The following MEMO1 variants were observed in gnomAD, a reference collection of about 807,000 sequenced individuals.
The protein encoded by MEMO1 is mediator of cell motility 1, also known as protein MEMO1.
Under a neutral mutation model 45.2 loss-of-function variants are expected in MEMO1, and 6 were observed. That is an observed-to-expected ratio of 0.13 (90% CI 0.07 to 0.26). The LOEUF (loss-of-function observed/expected upper bound fraction) is 0.26. Among genes scored for constraint, MEMO1 ranks in the 10% least tolerant of loss-of-function variants. The probability of loss-of-function intolerance (pLI) is 1.00; values close to 1 mark genes in which losing one functional copy is unlikely to be tolerated. For synonymous variants in MEMO1, 78 were observed against 124.3 expected, an observed-to-expected ratio of 0.63 and a Z score of 2.48; for missense variants, 184 against 370.5, an observed-to-expected ratio of 0.50 and a Z score of 4.13.
intron 2 of MEMO1, among the ~76,000 whole-genome samples, chr2:32,004,195 G>A (rs1215706010): frequency 2.0e-5 from 3 of 151,856 alleles, no homozygotes; most frequent in Non-Finnish European, 4.4e-5. Context: ...AAATAAATAA[G>A]TAAATAAATA....
At chr2:31,885,731 T>C (rs564598369) in intron 7 of MEMO1, among the ~76,000 whole-genome samples, 14 of 152,330 alleles carry the variant, frequency 9.2e-5, no homozygotes, top group Non-Finnish European at 1.9e-4. Flanking sequence ...CTTCTGGAAA[T>C]AGCTGTTAGT....
At chr2:31,877,298 A>G (rs1285616442) in intron 8 of MEMO1, among the ~76,000 whole-genome samples, 2 of 152,228 alleles carry the variant, frequency 1.3e-5, no homozygotes, top group African/African-American at 2.4e-5. Context: ...GGGTAAGGCC[A>G]ATGAACAGCT....
chr2:31,889,823 C>T (rs1260560104), intron 7 of MEMO1, among the ~76,000 whole-genome samples: 1 of 152,040 alleles, frequency 6.6e-6, no homozygotes, highest in Non-Finnish European at 1.5e-5. Context: ...AAAATGAACA[C>T]TTGAAAAGTT....
At chr2:31,913,107 A>G (rs537440620) in intron 6 of MEMO1, among the ~76,000 whole-genome samples, 1 of 151,896 alleles carries the variant, frequency 6.6e-6, no homozygotes, top group Non-Finnish European at 1.5e-5. Context: ...TCTACTAAAA[A>G]TACAAAAATT....
chr2:31,998,257 C>A (rs1672842026), intron 2 of MEMO1, among the ~76,000 whole-genome samples: 1 of 152,112 alleles, frequency 6.6e-6, no homozygotes, highest in Admixed American at 6.6e-5. Context: ...AAGCAGTCCT[C>A]CCACCTCGGC....
chr2:31,890,937 C>A (rs191096073), intron 7 of MEMO1, among the ~76,000 whole-genome samples: 1 of 152,272 alleles, frequency 6.6e-6, no homozygotes, highest in Admixed American at 6.5e-5. Flanking sequence ...AAAAACTAAT[C>A]TGTACCATTA....
At chr2:31,895,184 C>T (rs1677570221) in intron 6 of MEMO1, among the ~76,000 whole-genome samples, 1 of 152,098 alleles carries the variant, frequency 6.6e-6, no homozygotes, top group African/African-American at 2.4e-5. Flanking sequence ...GTTACTATAA[C>T]ATACTACACA....
At chr2:31,920,319 T>C (rs1682131338) in intron 5 of MEMO1, among the ~76,000 whole-genome samples, 1 of 152,120 alleles carries the variant, frequency 6.6e-6, no homozygotes, top group African/African-American at 2.4e-5. Flanking sequence ...ATAAAATATA[T>C]TTATCATTTA....
chr2:31,999,938 T>C (rs2148588616), intron 2 of MEMO1, among the ~76,000 whole-genome samples: 1 of 149,126 alleles, frequency 6.7e-6, no homozygotes, highest in East Asian at 2.0e-4. Flanking sequence ...GGCTGGAGCG[T>C]AGTGGTGAAA....
At chr2:31,989,869 C>A (rs1245246192) in intron 2 of MEMO1, among the ~76,000 whole-genome samples, 2 of 152,120 alleles carry the variant, frequency 1.3e-5, no homozygotes, top group African/African-American at 4.8e-5. Context: ...GTAATCCCAG[C>A]AATTTGGGAG....
chr2:31,932,415 C>T (rs1664292785), intron 3 of MEMO1, among the ~76,000 whole-genome samples: 1 of 151,416 alleles, frequency 6.6e-6, no homozygotes. Flanking sequence ...TGCTATGTAA[C>T]ACGATTATTG....
chr2:31,877,816 T>G (rs1006705313), intron 8 of MEMO1, among the ~76,000 whole-genome samples: 1 of 152,180 alleles, frequency 6.6e-6, no homozygotes, highest in Non-Finnish European at 1.5e-5. Context: ...TTATTATAAA[T>G]TCCTTTTATT....
At chr2:31,981,287 C>T (rs977848352) in intron 2 of MEMO1, among the ~76,000 whole-genome samples, 1 of 152,204 alleles carries the variant, frequency 6.6e-6, no homozygotes, top group Non-Finnish European at 1.5e-5. Flanking sequence ...AATGACTGCC[C>T]ATTTCCTCAA....
rs541762375 is a variant in MEMO1 at position 31,909,088 on chromosome 2, T to C, written c.437+8838A>G. On this transcript the variant is annotated intron_variant, in intron 6 of 9. Transcript: ENST00000404530. ...CTCATCTAACAAGCCTCTTAACAAATTGGGTGTAGAAGGAACATACTTCAA... is the reference window on the plus strand; with the variant it reads ...CTCATCTAACAAGCCTCTTAACAAACTGGGTGTAGAAGGAACATACTTCAA... 1.2e-4 allele frequency among the ~76,000 whole-genome samples: 18 copies of C among 152,218 alleles called. 1 individual carries two copies. In the South Asian group the frequency reaches 2.9e-3, roughly 25 times the overall value.
intron 3 of MEMO1, 141 bp downstream of exon 3, chr2:31,943,161 A>G: frequency 1.5e-6 from 1 of 675,810 alleles, no homozygotes; most frequent in Non-Finnish European, 2.6e-6. Context: ...ACTGCTCAGG[A>G]GGTTGAGGCA....
rs1677076556 is a variant in MEMO1 at position 31,892,191 on chromosome 2, C to T, written c.438-57G>A. 2.9e-5 allele frequency: 43 copies of T among 1,473,968 alleles called. 1 individual carries two copies. Among genetic ancestry groups the T allele is most frequent in the Non-Finnish European group, 3.9e-5 (42 of 1,080,502 alleles). 91.3% of individuals were successfully genotyped at this position (1,473,968 alleles called of 1,614,324 possible). On this transcript the variant is annotated intron_variant, in intron 6 of 9. Transcript: ENST00000404530. ...TTTAAGATGCTTAAATGAAAGTTTTCCAAATGTGTTGGCATTAGAAAGTGG... is the reference window on the plus strand; with the variant it reads ...TTTAAGATGCTTAAATGAAAGTTTTTCAAATGTGTTGGCATTAGAAAGTGG...
chr2:31,920,829 T>G lies in MEMO1; in HGVS notation c.294A>C (p.Thr98=). 1.9e-6 allele frequency: 3 copies of G among 1,608,076 alleles called. No homozygotes were observed. The South Asian group carries it at 3.3e-5, about 18-fold the overall frequency. ...GGTCAATACGAAGGTCATACAGAGG[T>G]GTCCTATATATATCCACACTGGAAA... ...CALSSVDIYR[T]PLYDLRIDQK... The change falls in exon 5 of 10, where the codon ACA becomes ACC. Residue 98 remains threonine, a synonymous_variant. Coordinates refer to ENST00000404530, the MANE Select transcript of MEMO1 (RefSeq NM_001301833.4).
intron 7 of MEMO1, 146 bp from the exon 8 acceptor site, chr2:31,883,608 CA>C: frequency 1.7e-6 from 1 of 572,672 alleles, no homozygotes; most frequent in Non-Finnish European, 3.1e-6. Context: ...AGCCCTTGTA[CA>C]TAAAAATAAA....
intron 6 of MEMO1, among the ~76,000 whole-genome samples, chr2:31,916,394 A>G (rs986484391): frequency 3.3e-5 from 5 of 151,888 alleles, no homozygotes; most frequent in African/African-American, 1.2e-4. Context: ...ACACACCGCT[A>G]ATTTTTCTAT....
Sources: gnomAD v4.1 joint callset for allele counts (sites outside exome capture counted in the v4.1 genomes callset) on GRCh38, gnomAD v4.1.1 for gene constraint, MANE v1.5 for transcripts, NCBI Gene and HGNC (gene_info 2026-07-23, HGNC 2026-07-21) for gene names.